SYNPO: variants seen among roughly 807,000 people sequenced by gnomAD.
The protein encoded by SYNPO is synaptopodin.
Under a neutral mutation model 49.5 loss-of-function variants are expected in SYNPO, and 19 were observed. The ratio of observed to expected loss-of-function variants is 0.38; its 90% CI spans 0.27 to 0.56. The LOEUF (loss-of-function observed/expected upper bound fraction) is 0.56, where lower values mean the gene tolerates loss of function less well. Ranked by LOEUF, SYNPO falls within the 20% of genes least tolerant of loss-of-function variation. The pLI, the probability that SYNPO is intolerant of heterozygous loss-of-function variation, is 0.68. For synonymous variants in SYNPO, 536 were observed against 548.0 expected, an observed-to-expected ratio of 0.98 and a Z score of 0.31; for missense variants, 1,131 against 1,248.3, an observed-to-expected ratio of 0.91 and a Z score of 1.42.
intron 1 of SYNPO, among the ~76,000 whole-genome samples, chr5:150,643,723 T>TG (rs1408634963): frequency 1.3e-5 from 2 of 152,090 alleles, no homozygotes; most frequent in African/African-American, 4.8e-5. Flanking sequence ...TTAGTAGAGA[T>TG]GGGGTTTCAC....
At position 150,648,827 on chromosome 5, in the gene SYNPO, C is replaced by T. The variant is rs1156546508; in HGVS notation, c.552C>T (p.Ala184=). 4 of 1,614,222 alleles carry T rather than the reference C, an allele frequency of 2.5e-6. No homozygotes were observed. The Admixed American group carries it at 6.7e-5, about 27-fold the overall frequency. Residue 184 remains alanine, a synonymous_variant, in exon 2 of 3, where the codon GCC becomes GCT. Transcript: ENST00000307662. This position sits in a 1 kb window ranked among gnomAD's most constrained non-coding sequence, Gnocchi z 5.0. ...ATLIPSSRPP[A]SDFMSSSLLI... Reference sequence around the variant, plus strand: ...TCATCCCCAGCTCCAGGCCCCCAGCCTCAGATTTCATGTCCAGCTCCCTGC... The same window carrying T: ...TCATCCCCAGCTCCAGGCCCCCAGCTTCAGATTTCATGTCCAGCTCCCTGC...
intron 2 of SYNPO, among the ~76,000 whole-genome samples, chr5:150,628,191 CTGTT>C (rs774685432): frequency 2.0e-5 from 3 of 152,166 alleles, no homozygotes; most frequent in Non-Finnish European, 4.4e-5. Flanking sequence ...CACAAGCCCT[CTGTT>C]TGGAATGAAA....
rs571225825 is a variant in SYNPO, at chr5:150,657,191, G to A, written c.*104G>A. The A allele has an allele frequency of 5.5e-6, 7 of 1,280,126 alleles. No individual in the cohort carries two copies. Among genetic ancestry groups the A allele is most frequent in the African/African-American group, 4.5e-5 (3 of 67,210 alleles). The allele number at this position is 1,280,126 out of a possible 1,614,324, so 79.3% of individuals were successfully genotyped here. A position where few individuals can be genotyped will look rare whatever the true frequency, so the allele number is the denominator to read the frequency against. On this transcript the variant is annotated 3_prime_UTR_variant, in exon 3 of 3. Coordinates refer to ENST00000307662, the MANE Select transcript of SYNPO (RefSeq NM_007286.6). ...CCTCTTTGGGCAGCCCCAGAGATGA[G>A]GGGTCAGCAGAGGAGAGCTCTGGGG...
At chr5:150,626,824 C>T (rs1757372660) in intron 2 of SYNPO, among the ~76,000 whole-genome samples, 1 of 152,106 alleles carries the variant, frequency 6.6e-6, no homozygotes, top group South Asian at 2.1e-4. Flanking sequence ...AACAGAGCTC[C>T]CTCTCCTTGG....
chr5:150,632,676 T>A (rs113034253), intron 2 of SYNPO, among the ~76,000 whole-genome samples: 2,227 of 152,084 alleles, frequency 0.015, 54 homozygotes, highest in African/African-American at 0.051. Context: ...GGAGAAGGAG[T>A]GCTTGATGGT....
In SYNPO at chr5:150,658,535, CT is replaced by C. The variant is rs1283045735; in HGVS notation, c.*1449del. ...AGGGGGGACTCAGGGAGGAATATGG[CT>C]GAGTTCTGTAGTTTCCAGAGTTGGC... On this transcript the variant is annotated 3_prime_UTR_variant, in exon 3 of 3. Coordinates refer to ENST00000307662, the MANE Select transcript of SYNPO (RefSeq NM_007286.6). 1 of 152,350 alleles carries C rather than the reference CT, an allele frequency of 6.6e-6. No individual in the cohort carries two copies. Among genetic ancestry groups the C allele is most frequent in the African/African-American group, 2.4e-5 (1 of 41,430 alleles). 9.4% of individuals were successfully genotyped at this position (152,350 alleles called of 1,614,324 possible).
chr5:150,618,409 C>G (rs530718393), exon 2 of SYNPO: 2 of 1,551,530 alleles, frequency 1.3e-6, no homozygotes, highest in South Asian at 1.2e-5. Flanking sequence ...TTGCACCCAG[C>G]GAAGGGAGGC....
At chr5:150,611,096 G>A (rs1242871784) in intron 1 of SYNPO, among the ~76,000 whole-genome samples, 1 of 152,130 alleles carries the variant, frequency 6.6e-6, no homozygotes, top group Non-Finnish European at 1.5e-5. Flanking sequence ...GATTTGTTAT[G>A]TTCATAGCAG....
intron 2 of SYNPO, among the ~76,000 whole-genome samples, chr5:150,633,916 G>A (rs746318934): frequency 6.6e-6 from 1 of 151,988 alleles, no homozygotes; most frequent in South Asian, 2.1e-4. Flanking sequence ...GAGCTCAGGA[G>A]TTCAAGACCA....
In SYNPO at chr5:150,650,654, G is replaced by A. The variant is rs1758343506; in HGVS notation, c.2028+351G>A. The A allele has an allele frequency of 2.8e-6, 4 of 1,427,908 alleles. No individual in the cohort carries two copies. The South Asian group carries it at 5.0e-5, about 18-fold the overall frequency. The allele number at this position is 1,427,908 out of a possible 1,614,324, so 88.5% of individuals were successfully genotyped here. Reference sequence around the variant, plus strand: ...CCTTTGTGAGCTGTAGGGATGCAGAGTCTGATGCCAGCGTCTTGCTGGGGG... The same window carrying A: ...CCTTTGTGAGCTGTAGGGATGCAGAATCTGATGCCAGCGTCTTGCTGGGGG... On this transcript the variant is annotated intron_variant, in intron 2 of 2. Transcript: ENST00000307662.
In SYNPO at chr5:150,649,257, G is replaced by A; in HGVS notation, c.982G>A (p.Ala328Thr). The A allele has an allele frequency of 6.2e-7, 1 of 1,614,140 alleles. No homozygotes were observed. The highest frequency in any genetic ancestry group is 8.5e-7 in the Non-Finnish European group (1 of 1,180,028). ...CACCTACACTGAGACCTTGTCCACA[G>A]CCCCTCTGGCTTCCTGGGTGAGGTC... ...PPTYTETLST[A>T]PLASWVRSPP... The change falls in exon 2 of 3, where the codon GCC becomes ACC. Residue 328 changes from alanine (A) to threonine (T), a missense_variant. Coordinates refer to ENST00000307662, the MANE Select transcript of SYNPO (RefSeq NM_007286.6).
intron 1 of SYNPO, among the ~76,000 whole-genome samples, chr5:150,610,289 C>T (rs752295080): frequency 6.6e-6 from 1 of 152,172 alleles, no homozygotes; most frequent in Non-Finnish European, 1.5e-5. Flanking sequence ...GTCACAGGCA[C>T]GGCAGAGCCA....
chr5:150,619,754 C>T (rs1044610711), intron 2 of SYNPO, among the ~76,000 whole-genome samples: 15 of 152,172 alleles, frequency 9.9e-5, no homozygotes, highest in African/African-American at 3.6e-4. Context: ...TCTCTGCAGG[C>T]GTCGTTGACG....
intron 2 of SYNPO, among the ~76,000 whole-genome samples, chr5:150,620,335 T>G (rs928768870): frequency 6.6e-6 from 1 of 152,252 alleles, no homozygotes. Flanking sequence ...CTATTATTTG[T>G]TAGAAGCCTT....
chr5:150,648,534 A>G lies in SYNPO; in HGVS notation c.259A>G (p.Ser87Gly), dbSNP rs762406403. Residue 87 changes from serine (S) to glycine (G), a missense_variant, in exon 2 of 3, where the codon AGC becomes GGC. By Grantham distance (56) the Ser-to-Gly change is moderately conservative. This residue lies in a region of SYNPO where 602 missense variants were observed against 720.7 expected (regional missense o/e 0.84). Transcript: ENST00000307662. This position sits in a 1 kb window ranked among gnomAD's most constrained non-coding sequence, Gnocchi z 5.0. ...CACGCTCACCACACCAACTTCTAAC[A>G]GCAGCCACAATCCGCCAGCCACCGA... ...SATLTTPTSN[S>G]SHNPPATDVN... 10 of 1,614,018 alleles carry G rather than the reference A, an allele frequency of 6.2e-6. No individual in the cohort carries two copies. The highest frequency in any genetic ancestry group is 8.5e-6 in the Non-Finnish European group (10 of 1,180,024).
chr5:150,620,978 T>C lies in SYNPO; in HGVS notation c.400+2211T>C, dbSNP rs1757153707. On this transcript the variant is annotated intron_variant, in intron 2 of 2. Transcript: ENST00000394243. ...TTCTTTTTTTTTTTTTTTGAGATGG[T>C]ATTTTGCTCTGTCGCCCAGGCTGGA... is the stretch of plus-strand genomic sequence containing the variant. Among the ~76,000 whole-genome samples the C allele has an allele frequency of 4.8e-5, 7 of 146,406 alleles. No homozygotes were observed. The Admixed American group carries it at 4.8e-4, about 10-fold the overall frequency.
chr5:150,589,722 G>C, the SYNPO span, among the ~76,000 whole-genome samples: 9 of 152,238 alleles, frequency 5.9e-5, no homozygotes, highest in Non-Finnish European at 1.0e-4. Flanking sequence ...TTGGCAGGAG[G>C]TAGAAAGAGC....
chr5:150,634,854 ACACACACAC>A (rs142475144), intron 2 of SYNPO, among the ~76,000 whole-genome samples: 4,608 of 80,806 alleles, frequency 0.057, 145 homozygotes, highest in African/African-American at 0.16. Flanking sequence ...ACACACACAC[ACACACACAC>A]CACACACACA....
At chr5:150,606,515 G>C (rs889252358) in intron 1 of SYNPO, among the ~76,000 whole-genome samples, 1 of 152,264 alleles carries the variant, frequency 6.6e-6, no homozygotes, top group African/African-American at 2.4e-5. Context: ...CAGGCTGCCT[G>C]TGTGCAGAGC....
Sources: gnomAD v4.1 joint callset for allele counts (sites outside exome capture counted in the v4.1 genomes callset) on GRCh38, gnomAD v4.1.1 for gene constraint, gnomAD v4.1.1 regional missense constraint, Gnocchi (gnomAD v3.1) non-coding constraint, MANE v1.5 for transcripts, NCBI Gene and HGNC (gene_info 2026-07-23, HGNC 2026-07-21) for gene names.